Variants in CRACR2A observed in about 807,000 individuals in gnomAD.
CRACR2A encodes the protein calcium release activated channel regulator 2A, also known as EF-hand calcium-binding domain-containing protein 4B.
Under a neutral mutation model 90.5 loss-of-function variants are expected in CRACR2A, and 79 were observed. The observed-to-expected ratio is 0.87, with a 90% confidence interval of 0.73 to 1.05. The LOEUF is 1.05. Among genes scored for constraint, CRACR2A ranks in the 50% least tolerant of loss-of-function variants. CRACR2A has a pLI of 0.00. For synonymous variants in CRACR2A, 338 were observed against 356.7 expected, an observed-to-expected ratio of 0.95 and a Z score of 0.59; for missense variants, 823 against 897.2, an observed-to-expected ratio of 0.92 and a Z score of 1.06.
chr12:3,673,411 T>G, intron 7 of CRACR2A, 35 bp downstream of exon 7: 1 of 1,591,990 alleles, frequency 6.3e-7, no homozygotes. Context: ...TTTTCACACA[T>G]AGTTACAGAA....
At chr12:3,708,686 A>G (rs566802113) in intron 3 of CRACR2A, among the ~76,000 whole-genome samples, 30 of 152,108 alleles carry the variant, frequency 2.0e-4, no homozygotes, top group Non-Finnish European at 4.1e-4. Context: ...CGGCCTCCCA[A>G]AGTGCTGGGA....
At chr12:3,621,324 C>T (rs1342921820) in intron 17 of CRACR2A, among the ~76,000 whole-genome samples, 1 of 151,508 alleles carries the variant, frequency 6.6e-6, no homozygotes, top group Non-Finnish European at 1.5e-5. Flanking sequence ...ATAAGCCCAA[C>T]ATCTGGGTCC....
chr12:3,737,708 G>A (rs1198548102), intron 1 of CRACR2A, among the ~76,000 whole-genome samples: 1 of 152,138 alleles, frequency 6.6e-6, no homozygotes, highest in East Asian at 1.9e-4. Context: ...GTGGGGGGAA[G>A]GAGCAGTTGA....
chr12:3,734,748 C>G (rs1946423307), intron 1 of CRACR2A, among the ~76,000 whole-genome samples: 1 of 151,964 alleles, frequency 6.6e-6, no homozygotes, highest in African/African-American at 2.4e-5. Flanking sequence ...GGGCATTATG[C>G]TAAGTGAGGT....
intron 1 of CRACR2A, among the ~76,000 whole-genome samples, chr12:3,736,957 T>C (rs61046260): frequency 0.16 from 23,888 of 152,182 alleles, 2,068 homozygotes; most frequent in African/African-American, 0.2. Context: ...GCAACAGCTA[T>C]CATGTGCCAG....
chr12:3,624,130 C>T (rs1472523398), intron 17 of CRACR2A, among the ~76,000 whole-genome samples: 1 of 152,226 alleles, frequency 6.6e-6, no homozygotes, highest in Non-Finnish European at 1.5e-5. Context: ...CCCCACACAA[C>T]CTCTTCCAAG....
intron 7 of CRACR2A, among the ~76,000 whole-genome samples, chr12:3,668,928 G>A (rs991882579): frequency 3.3e-5 from 5 of 152,210 alleles, no homozygotes; most frequent in Non-Finnish European, 2.9e-5. Flanking sequence ...AAGAGGGCAT[G>A]AGGACTGCTG....
chr12:3,659,326 T>C (rs1351073906), intron 8 of CRACR2A, among the ~76,000 whole-genome samples: 2 of 152,138 alleles, frequency 1.3e-5, no homozygotes, highest in Non-Finnish European at 2.9e-5. Context: ...TAATAAAAGA[T>C]AAAATCTCTG....
At chr12:3,749,795 T>TTGTGTGTGTGTG (rs200387314) in intron 1 of CRACR2A, among the ~76,000 whole-genome samples, 26 of 144,670 alleles carry the variant, frequency 1.8e-4, no homozygotes, top group African/African-American at 4.2e-4. Flanking sequence ...TGCTGTTTCT[T>TTGTGTGTGTGTG]TGTGTGTGTG....
rs750691464 is a variant in CRACR2A at position 3,656,395 on chromosome 12, C to G, written c.774G>C (p.Arg258Ser). The stretch of plus-strand genomic sequence containing the variant: ...CCAGCTCTTGACTGCGGGCTTGAAA[C>G]CTCTCTGTGTCCTGCCAAGCCAGAA... ...KEQFLLKDTERFQARSQELEQ... is the reference protein window; with the variant it reads ...KEQFLLKDTESFQARSQELEQ... The change falls in exon 9 of 20, where the codon AGG becomes AGC. Residue 258 changes from arginine to serine, a missense_variant. Physicochemically the swap from Arg to Ser is moderately radical, Grantham distance 110. Transcript: ENST00000440314. 4 of 1,613,994 alleles carry G rather than the reference C, an allele frequency of 2.5e-6. No individual in the cohort carries two copies. Among genetic ancestry groups the G allele is most frequent in the Non-Finnish European group, 3.4e-6 (4 of 1,180,032 alleles).
intron 1 of CRACR2A, among the ~76,000 whole-genome samples, chr12:3,736,193 C>T (rs1205596043): frequency 6.6e-6 from 1 of 151,784 alleles, no homozygotes; most frequent in African/African-American, 2.4e-5. Context: ...GCTATGACCC[C>T]AACAAGTACA....
intron 9 of CRACR2A, among the ~76,000 whole-genome samples, chr12:3,655,447 T>C (rs1228703216): frequency 6.6e-6 from 1 of 152,218 alleles, no homozygotes; most frequent in African/African-American, 2.4e-5. Context: ...AGCAGGGCTG[T>C]CTTCAAGTAG....
intron 2 of CRACR2A, chr12:3,728,157 C>T (rs1024130054): frequency 4.6e-5 from 7 of 152,216 alleles, no homozygotes; most frequent in Non-Finnish European, 1.0e-4. Context: ...GAAAACCACT[C>T]GTTTCTAATT....
chr12:3,665,825 A>G (rs1480993481), intron 7 of CRACR2A, among the ~76,000 whole-genome samples: 4 of 152,364 alleles, frequency 2.6e-5, no homozygotes, highest in Non-Finnish European at 2.9e-5. Flanking sequence ...CATCCCACCA[A>G]CATTGAAAAG....
At chr12:3,636,764 G>T (rs1199521177) in intron 14 of CRACR2A, among the ~76,000 whole-genome samples, 1 of 152,230 alleles carries the variant, frequency 6.6e-6, no homozygotes, top group Non-Finnish European at 1.5e-5. Context: ...GTGCCACCCA[G>T]CTCTCCACTC....
chr12:3,739,035 C>CA (rs55870176), intron 1 of CRACR2A, among the ~76,000 whole-genome samples: 30,211 of 147,920 alleles, frequency 0.2, 3,557 homozygotes, highest in Admixed American at 0.29. Context: ...CATTATCTGA[C>CA]AAAAAAAAAA....
intron 3 of CRACR2A, among the ~76,000 whole-genome samples, chr12:3,700,094 C>T (rs1361632550): frequency 6.6e-6 from 1 of 152,142 alleles, no homozygotes; most frequent in Non-Finnish European, 1.5e-5. Context: ...CTATATTGAG[C>T]TGAGTGAAGC....
intron 1 of CRACR2A, among the ~76,000 whole-genome samples, chr12:3,739,894 A>G (rs1380362971): frequency 1.3e-5 from 2 of 151,166 alleles, no homozygotes; most frequent in African/African-American, 2.4e-5. Flanking sequence ...AGATCACGCT[A>G]CAGCACTCCA....
intron 11 of CRACR2A, 127 bp downstream of exon 11, chr12:3,648,415 A>G (rs1433678251): frequency 8.2e-6 from 13 of 1,581,010 alleles, no homozygotes; most frequent in African/African-American, 1.3e-5. Context: ...GGACCAAGGG[A>G]ATTGAGGGCA....
Sources: gnomAD v4.1 joint callset for allele counts (sites outside exome capture counted in the v4.1 genomes callset) on GRCh38, gnomAD v4.1.1 for gene constraint, MANE v1.5 for transcripts, NCBI Gene and HGNC (gene_info 2026-07-23, HGNC 2026-07-21) for gene names.